The following DYNC1I1 variants were observed in gnomAD, a reference collection of about 807,000 sequenced individuals.
DYNC1I1 encodes the protein cytoplasmic dynein 1 intermediate chain 1.
DYNC1I1 carries 43 observed loss-of-function variants against 86.6 expected under a neutral mutation model. That is an observed-to-expected ratio of 0.50 (90% CI 0.39 to 0.64). The LOEUF is 0.64. DYNC1I1 is among the 30% of genes least tolerant of loss of function. The pLI is 0.00. For synonymous variants in DYNC1I1, 262 were observed against 283.7 expected (o/e 0.92, Z 0.77); for missense variants, 604 against 788.8 (o/e 0.77, Z 2.81).
chr7:96,022,949 A>C (rs1363181600), intron 10 of DYNC1I1, among the ~76,000 whole-genome samples: 1 of 151,926 alleles, frequency 6.6e-6, no homozygotes, highest in African/African-American at 2.4e-5. Context: ...CTGACCCATG[A>C]CTCATGTCGT....
intron 1 of DYNC1I1, among the ~76,000 whole-genome samples, chr7:95,790,340 A>G (rs943672999): frequency 3.3e-5 from 5 of 151,758 alleles, no homozygotes; most frequent in Non-Finnish European, 7.4e-5. Context: ...TTTTGTACTC[A>G]CTGTTCCATC....
At chr7:95,959,187 G>A (rs890930828) in intron 6 of DYNC1I1, among the ~76,000 whole-genome samples, 6 of 152,206 alleles carry the variant, frequency 3.9e-5, no homozygotes, top group Middle Eastern at 3.4e-3. Flanking sequence ...GAGTGAAGGC[G>A]TCATGTGGGG....
chr7:95,860,963 A>C (rs1179034473), intron 5 of DYNC1I1, among the ~76,000 whole-genome samples: 1 of 152,150 alleles, frequency 6.6e-6, no homozygotes, highest in Non-Finnish European at 1.5e-5. Context: ...ATTTGAAACT[A>C]TGGGGTTTTC....
chr7:96,044,995 G>T (rs1339308356), intron 14 of DYNC1I1, among the ~76,000 whole-genome samples: 4 of 152,138 alleles, frequency 2.6e-5, no homozygotes, highest in Admixed American at 2.6e-4. Flanking sequence ...AGATGGATGT[G>T]GGCAGGAGCC....
At chr7:96,084,794 A>G (rs1790630730) in intron 16 of DYNC1I1, among the ~76,000 whole-genome samples, 1 of 152,174 alleles carries the variant, frequency 6.6e-6, no homozygotes, top group South Asian at 2.1e-4. Flanking sequence ...TATAAACGTC[A>G]AGGTACATAT....
chr7:95,806,569 A>G (rs1462824178), intron 2 of DYNC1I1, among the ~76,000 whole-genome samples: 4 of 152,200 alleles, frequency 2.6e-5, no homozygotes, highest in Non-Finnish European at 5.9e-5. Flanking sequence ...CATCATATGA[A>G]GTTCTAGTTT....
intron 9 of DYNC1I1, among the ~76,000 whole-genome samples, chr7:95,992,855 T>C (rs1793766070): frequency 6.6e-6 from 1 of 152,162 alleles, no homozygotes; most frequent in South Asian, 2.1e-4. Context: ...CCTCAAGTGA[T>C]CTGCTGGCCT....
chr7:95,991,154 C>T (rs1331138707), intron 9 of DYNC1I1, among the ~76,000 whole-genome samples: 1 of 152,170 alleles, frequency 6.6e-6, no homozygotes, highest in Non-Finnish European at 1.5e-5. Flanking sequence ...GCAGTATTAT[C>T]ATTAGTTGCA....
At position 95,977,560 on chromosome 7, in the gene DYNC1I1, C is replaced by A; in HGVS notation, c.539C>A (p.Ser180Ter). The A allele has an allele frequency of 6.2e-7, 1 of 1,613,044 alleles. No individual in the cohort carries two copies. The highest frequency in any genetic ancestry group is 8.5e-7 in the Non-Finnish European group (1 of 1,179,570). Reference protein sequence around the residue: ...EMVESKVGQDSELENQDKKQE... With the variant: ...EMVESKVGQD ...GTGGAATCTAAAGTTGGCCAGGACTCAGAACTGGAAAATCAGGACAAAAAA... is the reference window on the plus strand; with the variant it reads ...GTGGAATCTAAAGTTGGCCAGGACTAAGAACTGGAAAATCAGGACAAAAAA... The change falls in exon 7 of 17, where the codon TCA becomes TAA. Residue 180 changes from serine to a stop codon, truncating the protein, a stop_gained. Coordinates refer to ENST00000447467, the MANE Select transcript of DYNC1I1 (RefSeq NM_001135556.2). LOFTEE classifies it high-confidence loss of function.
At chr7:95,980,123 C>G (rs781252001) in intron 7 of DYNC1I1, among the ~76,000 whole-genome samples, 1 of 152,130 alleles carries the variant, frequency 6.6e-6, no homozygotes, top group Non-Finnish European at 1.5e-5. Flanking sequence ...CGAAAACACC[C>G]TTCAGTTTTA....
chr7:95,785,755 G>GTA (rs1157516276), intron 1 of DYNC1I1, among the ~76,000 whole-genome samples: 2 of 117,122 alleles, frequency 1.7e-5, no homozygotes, highest in Non-Finnish European at 3.7e-5. Context: ...ATGTGTGTAT[G>GTA]TATATATATG....
rs756382996 is a variant in DYNC1I1 at position 95,813,375 on chromosome 7, AATT to A, written c.314+40_314+42del. ...CCTTTAAAAGGCCATGATGGGTGTC[AATT>A]AAAAAAAAAAAAAAACAGCAACAAC... On this transcript the variant is annotated intron_variant, in intron 4 of 16. Transcript: ENST00000447467. 2.0e-6 allele frequency: 3 copies of A among 1,522,398 alleles called. No homozygotes were observed. The South Asian group carries it at 3.7e-5, about 19-fold the overall frequency. 94.3% of individuals were successfully genotyped at this position (1,522,398 alleles called of 1,614,324 possible).
chr7:95,798,929 G>A (rs1794511545), intron 1 of DYNC1I1, among the ~76,000 whole-genome samples: 1 of 152,200 alleles, frequency 6.6e-6, no homozygotes, highest in African/African-American at 2.4e-5. Context: ...CTTTCTCTAT[G>A]GATATATGCA....
At chr7:95,852,366 T>C (rs1789601722) in intron 5 of DYNC1I1, among the ~76,000 whole-genome samples, 1 of 152,028 alleles carries the variant, frequency 6.6e-6, no homozygotes. Flanking sequence ...TTCTTTTATA[T>C]TTTTGATTTT....
At chr7:96,022,946 A>G (rs1230851265) in intron 10 of DYNC1I1, among the ~76,000 whole-genome samples, 1 of 152,092 alleles carries the variant, frequency 6.6e-6, no homozygotes, top group Admixed American at 6.6e-5. Flanking sequence ...TGCCTGACCC[A>G]TGACTCATGT....
intron 6 of DYNC1I1, among the ~76,000 whole-genome samples, chr7:95,888,687 G>A (rs927963463): frequency 2.6e-5 from 4 of 152,052 alleles, no homozygotes; most frequent in African/African-American, 4.8e-5. Flanking sequence ...AATTCATTTC[G>A]GCAGGCCACC....
chr7:95,959,307 G>A (rs1169887790), intron 6 of DYNC1I1, among the ~76,000 whole-genome samples: 1 of 152,188 alleles, frequency 6.6e-6, no homozygotes, highest in Non-Finnish European at 1.5e-5. Context: ...GGGCCTTTTA[G>A]CAACTTCTTC....
At chr7:95,930,196 C>A (rs1242719482) in intron 6 of DYNC1I1, among the ~76,000 whole-genome samples, 1 of 152,110 alleles carries the variant, frequency 6.6e-6, no homozygotes, top group African/African-American at 2.4e-5. Flanking sequence ...GATCAGAGAG[C>A]TTTTGGGCAC....
At chr7:96,102,115 T>G (rs1014423319), downstream of DYNC1I1, among the ~76,000 whole-genome samples, 3 of 152,052 alleles carry the variant, frequency 2.0e-5, no homozygotes, top group Non-Finnish European at 4.4e-5. Context: ...ATGTGGCCAT[T>G]GATGGATGAA....
Sources: allele counts gnomAD v4.1 joint callset (sites outside exome capture counted in the v4.1 genomes callset), GRCh38; gene constraint gnomAD v4.1.1; transcripts MANE v1.5; gene names NCBI Gene and HGNC (gene_info 2026-07-23, HGNC 2026-07-21).